MTMR10: variants seen among roughly 807,000 people sequenced by gnomAD.
The protein encoded by MTMR10 is myotubularin related protein 10.
Under a neutral mutation model 88.1 loss-of-function variants are expected in MTMR10, and 56 were observed. The observed-to-expected ratio is 0.64, with a 90% CI of 0.51 to 0.79. The LOEUF is 0.79. Among genes scored for constraint, MTMR10 ranks in the 30% least tolerant of loss-of-function variants. The probability of loss-of-function intolerance (pLI) is 0.00; values close to 1 mark genes in which losing one functional copy is unlikely to be tolerated. For synonymous variants in MTMR10, 380 were observed against 340.9 expected, an observed-to-expected ratio of 1.11 and a Z score of -1.26; for missense variants, 883 against 924.7, an observed-to-expected ratio of 0.95 and a Z score of 0.58.
downstream of MTMR10, among the ~76,000 whole-genome samples, chr15:30,937,963 A>C (rs899945759): frequency 6.6e-6 from 1 of 151,370 alleles, no homozygotes. Flanking sequence ...AGGCAGGCGC[A>C]TCATGAGGTC....
chr15:30,962,236 A>G (rs1336660530), intron 6 of MTMR10, among the ~76,000 whole-genome samples: 1 of 152,206 alleles, frequency 6.6e-6, no homozygotes, highest in African/African-American at 2.4e-5. Flanking sequence ...GAGTGCCTGC[A>G]AAGTGATTAT....
intron 11 of MTMR10, among the ~76,000 whole-genome samples, chr15:30,953,103 T>C (rs974835996): frequency 2.0e-5 from 3 of 152,334 alleles, no homozygotes; most frequent in African/African-American, 7.2e-5. Context: ...TTTTGTACTT[T>C]TTCATCAGGG....
chr15:30,937,447 C>CTTTTTTTT (rs11317050), downstream of MTMR10, among the ~76,000 whole-genome samples: 2 of 78,978 alleles, frequency 2.5e-5, 1 homozygote, highest in African/African-American at 1.0e-4. Flanking sequence ...GGGTAATAAA[C>CTTTTTTTT]TTTTTTTTTT....
intron 6 of MTMR10, among the ~76,000 whole-genome samples, chr15:30,963,670 C>CAGATAGATAGACAGAT (rs1555409481): frequency 4.0e-5 from 4 of 99,546 alleles, no homozygotes; most frequent in Middle Eastern, 5.1e-3. Context: ...GATAGACAGA[C>CAGATAGATAGACAGAT]AGATAGATAG....
intron 14 of MTMR10, among the ~76,000 whole-genome samples, chr15:30,945,847 G>A (rs1229578772): frequency 2.6e-5 from 4 of 152,158 alleles, no homozygotes. Flanking sequence ...GGAGTGCAGT[G>A]GCACAGTCTC....
chr15:30,936,653 ATAT>A (rs1488379706), downstream of MTMR10, among the ~76,000 whole-genome samples: 1 of 84,920 alleles, frequency 1.2e-5, no homozygotes, highest in African/African-American at 4.8e-5. Flanking sequence ...TCAACTGAAA[ATAT>A]TGTTAAGTTG....
intron 2 of MTMR10, among the ~76,000 whole-genome samples, chr15:30,981,069 ATGAC>A (rs753863433): frequency 2.6e-5 from 4 of 152,246 alleles, no homozygotes; most frequent in Non-Finnish European, 5.9e-5. Flanking sequence ...CATAGACTGA[ATGAC>A]TGCTGTGTGC....
chr15:30,980,002 C>T (rs952820246), intron 2 of MTMR10, among the ~76,000 whole-genome samples: 1 of 152,200 alleles, frequency 6.6e-6, no homozygotes, highest in African/African-American at 2.4e-5. Flanking sequence ...ACCTTATGGT[C>T]CGCAAAGCCT....
intron 5 of MTMR10, among the ~76,000 whole-genome samples, chr15:30,969,947 C>T (rs1407718455): frequency 1.3e-5 from 2 of 152,130 alleles, no homozygotes; most frequent in African/African-American, 2.4e-5. Flanking sequence ...ACTCTCTTCA[C>T]AAGCCTTCCT....
downstream of MTMR10, among the ~76,000 whole-genome samples, chr15:30,934,678 C>T (rs2062804769): frequency 6.6e-6 from 1 of 152,082 alleles, no homozygotes; most frequent in African/African-American, 2.4e-5. Context: ...AGTGCCTGGC[C>T]CTGTCTTATT....
the MTMR10 span, among the ~76,000 whole-genome samples, chr15:30,931,239 C>T: frequency 1.1e-3 from 166 of 152,274 alleles, no homozygotes; most frequent in Non-Finnish European, 2.1e-3. Context: ...GTGAACACTT[C>T]CTTGAACGCT....
In MTMR10 at chr15:30,940,967, A is replaced by C. The variant is rs1179066786; in HGVS notation, c.*503T>G. The stretch of plus-strand genomic sequence containing the variant: ...CCAAAGAAGGTGATCTAAAATCATA[A>C]ATTCTGGCCCCAGAACACTGAACCT... On this transcript the variant is annotated 3_prime_UTR_variant, in exon 16 of 16. Transcript: ENST00000435680. The C allele has an allele frequency of 9.1e-7, 1 of 1,097,044 alleles. No individual in the cohort carries two copies. Among genetic ancestry groups the C allele is most frequent in the Non-Finnish European group, 1.1e-6 (1 of 894,888 alleles). The allele number at this position is 1,097,044 out of a possible 1,614,324, so 68.0% of individuals were successfully genotyped here.
At chr15:30,989,621 C>G (rs368833135) in intron 2 of MTMR10, among the ~76,000 whole-genome samples, 43 of 151,520 alleles carry the variant, frequency 2.8e-4, no homozygotes, top group African/African-American at 1.0e-3. Context: ...CTCACTCTGC[C>G]GCCCAGGCTG....
At position 30,976,916 on chromosome 15, in the gene MTMR10, C is replaced by A; in HGVS notation, c.161G>T (p.Cys54Phe). Residue 54 changes from cysteine to phenylalanine, a missense_variant, in exon 3 of 16, where the codon TGC becomes TTC. Around this residue, in one of 3 missense-constraint regions of MTMR10, gnomAD observed 414 missense variants for 423.2 expected, o/e 0.98. Transcript: ENST00000435680. ...VVNEVNFVRK[C>F]IATDTSQYDL... ...GTACTGGCTTGTGTCTGTTGCAATG[C>A]ATTTTCTCACAAAATTGACTTCATT... The A allele has an allele frequency of 1.9e-6, 3 of 1,613,522 alleles. No individual in the cohort carries two copies. Among genetic ancestry groups the A allele is most frequent in the Non-Finnish European group, 2.5e-6 (3 of 1,179,736 alleles).
Position 30,991,138 on chromosome 15 carries a change from G to A in MTMR10, c.61-301C>T, listed in dbSNP as rs1175094038. Reference sequence around the variant, plus strand: ...ATCATGCTGGCGGTCATACGAGGGAGGGTCGATGGGTTGGAAACTAAAGAA... The same window carrying A: ...ATCATGCTGGCGGTCATACGAGGGAAGGTCGATGGGTTGGAAACTAAAGAA... On this transcript the variant is annotated intron_variant, in intron 1 of 15. Coordinates refer to ENST00000435680, the MANE Select transcript of MTMR10 (RefSeq NM_017762.3). 2.2e-5 allele frequency: 11 copies of A among 496,522 alleles called. 1 individual carries two copies. The East Asian group carries it at 2.8e-4, about 12-fold the overall frequency. The allele number at this position is 496,522 out of a possible 1,614,324, so 30.8% of individuals were successfully genotyped here. A position where few individuals can be genotyped will look rare whatever the true frequency, so the allele number is the denominator to read the frequency against.
chr15:30,978,634 C>T lies in MTMR10; in HGVS notation c.122-1679G>A, dbSNP rs556802745. On this transcript the variant is annotated intron_variant, in intron 2 of 15. Transcript: ENST00000435680. The stretch of plus-strand genomic sequence containing the variant: ...TGTCCTGTCTGATTCTTTCAACAAC[C>T]TGTAAGGTGAGGAAGGCAGATGGTT... Among the ~76,000 whole-genome samples the T allele has an allele frequency of 3.9e-5, 6 of 152,292 alleles. No individual in the cohort carries two copies. In the East Asian group the frequency reaches 1.2e-3, roughly 29 times the overall value.
chr15:30,949,309 GTCTGTTCTC>G (rs997061666), intron 12 of MTMR10: 1 of 152,186 alleles, frequency 6.6e-6, no homozygotes, highest in Non-Finnish European at 1.5e-5. Context: ...TGATAAGGAT[GTCTGTTCTC>G]TACACTTCTC....
At chr15:30,924,974 A>T in the MTMR10 span, 1 of 741,016 alleles carries the variant, frequency 1.3e-6, no homozygotes, top group East Asian at 2.8e-5. Context: ...AATAAGATCT[A>T]AGGAAACAGC....
intron 14 of MTMR10, 103 bp from the exon 15 acceptor site, chr15:30,943,175 T>G (rs1028445658): frequency 1.4e-6 from 2 of 1,445,156 alleles, no homozygotes; most frequent in Non-Finnish European, 1.8e-6. Context: ...TGTTCTGTAC[T>G]GCAGCCCTCA....
Sources: allele counts gnomAD v4.1 joint callset (sites outside exome capture counted in the v4.1 genomes callset), GRCh38; gene constraint gnomAD v4.1.1; regional missense constraint gnomAD v4.1.1; transcripts MANE v1.5; gene names NCBI Gene and HGNC (gene_info 2026-07-23, HGNC 2026-07-21).